The following ACER3 variants were observed in gnomAD, a reference collection of about 807,000 sequenced individuals.
ACER3 encodes the protein alkaline ceramidase 3.
A neutral mutation model predicts 48.9 loss-of-function variants in ACER3; 16 were observed. The observed-to-expected ratio is 0.33, with a 90% CI of 0.22 to 0.50. ACER3 has a LOEUF of 0.50. Among genes scored for constraint, ACER3 ranks in the 20% least tolerant of loss-of-function variants. The probability of loss-of-function intolerance (pLI) is 0.98; values close to 1 mark genes in which losing one functional copy is unlikely to be tolerated. For missense variants in ACER3, 227 were observed against 326.0 expected, an observed-to-expected ratio of 0.70 and a Z score of 2.34; for synonymous variants, 109 against 107.8, an observed-to-expected ratio of 1.01 and a Z score of -0.07.
At chr11:76,957,365 A>G (rs1442150521) in intron 2 of ACER3, 5 of 320,566 alleles carry the variant, frequency 1.6e-5, no homozygotes, top group South Asian at 9.8e-5. Context: ...TAAATTTTGG[A>G]TATTAAACCT....
At chr11:76,868,430 T>C (rs1281321685) in intron 1 of ACER3, among the ~76,000 whole-genome samples, 1 of 151,620 alleles carries the variant, frequency 6.6e-6, no homozygotes, top group Non-Finnish European at 1.5e-5. Context: ...TGTGTGTGTG[T>C]GTATAGCCCA....
intron 4 of ACER3, among the ~76,000 whole-genome samples, chr11:76,983,926 G>T (rs1045735653): frequency 6.6e-6 from 1 of 152,022 alleles, no homozygotes; most frequent in African/African-American, 2.4e-5. Flanking sequence ...GAGTAGCTGG[G>T]ATTACAGGCA....
At chr11:76,895,745 A>C (rs946793869) in intron 1 of ACER3, among the ~76,000 whole-genome samples, 2 of 152,272 alleles carry the variant, frequency 1.3e-5, no homozygotes, top group African/African-American at 2.4e-5. Context: ...GCCTGCCATA[A>C]GTAAAAAATG....
At chr11:76,927,464 T>A (rs1946861309) in intron 2 of ACER3, among the ~76,000 whole-genome samples, 1 of 151,880 alleles carries the variant, frequency 6.6e-6, no homozygotes, top group Non-Finnish European at 1.5e-5. Flanking sequence ...TTCTGTTTTT[T>A]TTATTATTAT....
At chr11:76,943,505 A>T (rs1369399904) in intron 2 of ACER3, among the ~76,000 whole-genome samples, 1 of 151,986 alleles carries the variant, frequency 6.6e-6, no homozygotes, top group Non-Finnish European at 1.5e-5. Flanking sequence ...GCTTTATTCC[A>T]CTGTGATCTG....
chr11:77,019,692 T>C, intron 9 of ACER3, 39 bp from the exon 10 acceptor site: 1 of 1,604,788 alleles, frequency 6.2e-7, no homozygotes, highest in Non-Finnish European at 8.5e-7. Flanking sequence ...GAATTCAAAA[T>C]GAATCTGAAA....
chr11:76,988,760 T>G (rs1157924184), intron 5 of ACER3, among the ~76,000 whole-genome samples: 1 of 152,212 alleles, frequency 6.6e-6, no homozygotes, highest in African/African-American at 2.4e-5. Context: ...GAAGTCTTGT[T>G]ATGATATGAA....
chr11:77,023,241 T>C lies in ACER3; in HGVS notation c.*2914T>C. The C allele has an allele frequency of 2.5e-6, 1 of 398,260 alleles. No homozygotes were observed. The highest frequency in any genetic ancestry group is 3.6e-5 in the East Asian group (1 of 28,036). 24.7% of individuals were successfully genotyped at this position (398,260 alleles called of 1,614,324 possible). The stretch of plus-strand genomic sequence containing the variant: ...TTGTTTGACAGAAGTAAATCAAATA[T>C]TATGGTTTAAATATAATGCAAAATT... On this transcript the variant is annotated 3_prime_UTR_variant, in exon 11 of 11. Coordinates refer to ENST00000532485, the MANE Select transcript of ACER3 (RefSeq NM_018367.7).
intron 2 of ACER3, among the ~76,000 whole-genome samples, chr11:76,951,774 G>GAT (rs1947676990): frequency 6.6e-6 from 1 of 152,160 alleles, no homozygotes; most frequent in Non-Finnish European, 1.5e-5. Flanking sequence ...CCTAGACTAT[G>GAT]CCTTTATGAA....
chr11:76,951,709 T>C (rs1405217809), intron 2 of ACER3, among the ~76,000 whole-genome samples: 1 of 152,206 alleles, frequency 6.6e-6, no homozygotes, highest in East Asian at 1.9e-4. Context: ...ACCTAATAAG[T>C]ATTCTCTATA....
chr11:77,019,045 C>T (rs1949424665), intron 9 of ACER3, among the ~76,000 whole-genome samples: 1 of 152,178 alleles, frequency 6.6e-6, no homozygotes, highest in Admixed American at 6.5e-5. Flanking sequence ...GAAGTCAATG[C>T]GTGGCTTCAA....
At chr11:76,995,824 T>C (rs192923241) in intron 6 of ACER3, among the ~76,000 whole-genome samples, 32 of 152,260 alleles carry the variant, frequency 2.1e-4, no homozygotes, top group Non-Finnish European at 4.1e-4. Flanking sequence ...AAGGCATAGG[T>C]TCTTTCCTAA....
intron 1 of ACER3, among the ~76,000 whole-genome samples, chr11:76,897,018 T>C (rs1174379870): frequency 6.6e-6 from 1 of 152,058 alleles, no homozygotes; most frequent in Non-Finnish European, 1.5e-5. Flanking sequence ...AGTGCAGTGG[T>C]GCAATCTCAG....
chr11:76,867,260 C>T (rs753847065), intron 1 of ACER3, among the ~76,000 whole-genome samples: 5 of 151,734 alleles, frequency 3.3e-5, no homozygotes, highest in Admixed American at 2.6e-4. Flanking sequence ...CTTGAGGTCA[C>T]GAGTTGGAGA....
chr11:76,995,970 C>G (rs1043355472), intron 6 of ACER3, among the ~76,000 whole-genome samples: 11 of 152,130 alleles, frequency 7.2e-5, no homozygotes, highest in Non-Finnish European at 1.3e-4. Flanking sequence ...TGCTAGAGGT[C>G]TCTACTTAGA....
chr11:77,015,172 G>T, intron 8 of ACER3, 55 bp downstream of exon 8: 1 of 983,086 alleles, frequency 1.0e-6, no homozygotes, highest in Non-Finnish European at 1.6e-6. Flanking sequence ...TTATTAAGTA[G>T]AGAATTTTAT....
At chr11:76,912,301 G>A (rs1023184516) in intron 1 of ACER3, among the ~76,000 whole-genome samples, 1 of 152,064 alleles carries the variant, frequency 6.6e-6, no homozygotes, top group Admixed American at 6.6e-5. Context: ...TTCCTTCAGG[G>A]GCTCTAGAAG....
intron 2 of ACER3, among the ~76,000 whole-genome samples, chr11:76,950,188 A>G (rs1947604920): frequency 6.6e-6 from 1 of 151,094 alleles, no homozygotes; most frequent in Admixed American, 6.6e-5. Context: ...TTCTCCTAAT[A>G]TGCCTTAGAA....
chr11:76,904,757 T>C (rs1946175665), intron 1 of ACER3, among the ~76,000 whole-genome samples: 1 of 152,214 alleles, frequency 6.6e-6, no homozygotes, highest in South Asian at 2.1e-4. Context: ...ACTGTTTCGC[T>C]GCCCCTCTCA....
Sources: allele counts gnomAD v4.1 joint callset (sites outside exome capture counted in the v4.1 genomes callset), GRCh38; gene constraint gnomAD v4.1.1; transcripts MANE v1.5; gene names NCBI Gene and HGNC (gene_info 2026-07-23, HGNC 2026-07-21).